The following DCDC1 variants were observed in gnomAD, a reference collection of about 807,000 sequenced individuals.
DCDC1 encodes doublecortin domain-containing protein 1.
A neutral mutation model predicts 178.3 loss-of-function variants in DCDC1; 200 were observed. That is an observed-to-expected ratio of 1.12 (90% CI 1.00 to 1.26). The LOEUF (loss-of-function observed/expected upper bound fraction) is 1.26. Ranked by LOEUF, DCDC1 falls within the 50% of genes most tolerant of loss-of-function variation. The pLI is 0.00. For missense variants in DCDC1, 1,983 were observed against 1,749.2 expected (o/e 1.13, Z -2.38); for synonymous variants, 690 against 604.8 (o/e 1.14, Z -2.07).
chr11:31,110,246 G>A lies in DCDC1; in HGVS notation c.1587+14C>T. The A allele has an allele frequency of 1.4e-6, 1 of 702,844 alleles. No homozygotes were observed. Among genetic ancestry groups the A allele is most frequent in the Non-Finnish European group, 2.6e-6 (1 of 383,514 alleles). 43.5% of individuals were successfully genotyped at this position (702,844 alleles called of 1,614,324 possible). ...AGACACTTAAAGTCATAAGTAAACTGTCAGTAAACTCACTCTTTCCATCAT... is the reference window on the plus strand; with the variant it reads ...AGACACTTAAAGTCATAAGTAAACTATCAGTAAACTCACTCTTTCCATCAT... On this transcript the variant is annotated intron_variant, in intron 12 of 38. Coordinates refer to ENST00000684477, the MANE Select transcript of DCDC1 (RefSeq NM_001387274.1).
At chr11:31,328,573 C>T (rs1019287924) in intron 2 of DCDC1, among the ~76,000 whole-genome samples, 8 of 151,918 alleles carry the variant, frequency 5.3e-5, no homozygotes, top group Admixed American at 2.6e-4. Flanking sequence ...CCAAGGCGGG[C>T]GGATCACAAG....
At chr11:31,070,833 T>G (rs1263819546) in intron 18 of DCDC1, among the ~76,000 whole-genome samples, 1 of 152,110 alleles carries the variant, frequency 6.6e-6, no homozygotes, top group African/African-American at 2.4e-5. Flanking sequence ...ATGTTTCACC[T>G]AACTTTGGAC....
At chr11:31,059,572 C>T (rs555020359) in intron 20 of DCDC1, among the ~76,000 whole-genome samples, 68 of 152,060 alleles carry the variant, frequency 4.5e-4, no homozygotes, top group Non-Finnish European at 7.8e-4. Context: ...TAATGACTAT[C>T]AAAAGCAATT....
chr11:31,238,653 G>A (rs909245185), intron 9 of DCDC1, among the ~76,000 whole-genome samples: 2 of 152,040 alleles, frequency 1.3e-5, no homozygotes, highest in South Asian at 2.1e-4. Flanking sequence ...GAGATGGAAC[G>A]GCCCTGTCGC....
At chr11:30,969,937 AAAG>A in intron 20 of DCDC1, among the ~76,000 whole-genome samples, 1 of 152,240 alleles carries the variant, frequency 6.6e-6, no homozygotes, top group East Asian at 1.9e-4. Context: ...CCTCCTTCAC[AAAG>A]AAGAACCAAA....
intron 34 of DCDC1, among the ~76,000 whole-genome samples, chr11:30,897,512 GGCGGA>G: frequency 1.3e-5 from 2 of 150,238 alleles, no homozygotes; most frequent in Non-Finnish European, 2.9e-5. Context: ...GAACCCGGGA[GGCGGA>G]GCTTGCAGTG....
rs78148622 is a variant in DCDC1, at chr11:31,105,658, A to G, written c.1751+1139T>C. Among the ~76,000 whole-genome samples the G allele has an allele frequency of 1.5e-3, 228 of 152,208 alleles. 2 individuals are homozygous for G. In the East Asian group the frequency reaches 0.04, roughly 27 times the overall value. On this transcript the variant is annotated intron_variant, in intron 13 of 38. Transcript: ENST00000684477. ...TAGAGATTTTTTAATTCTCTAAATT[A>G]CACAGCCTAAGAAATCATCAAGCAT...
chr11:31,159,000 G>A (rs1966030505), intron 9 of DCDC1, among the ~76,000 whole-genome samples: 2 of 151,720 alleles, frequency 1.3e-5, no homozygotes, highest in Admixed American at 1.3e-4. Context: ...TAAATTGGAT[G>A]TATACCAAAA....
chr11:31,152,355 T>C (rs371833596), intron 9 of DCDC1, among the ~76,000 whole-genome samples: 1 of 152,162 alleles, frequency 6.6e-6, no homozygotes, highest in Admixed American at 6.5e-5. Context: ...TAGAGTATAG[T>C]TGTATTTCAA....
chr11:31,281,345 T>A (rs1013294514), intron 7 of DCDC1, among the ~76,000 whole-genome samples: 10 of 151,960 alleles, frequency 6.6e-5, no homozygotes, highest in Non-Finnish European at 1.2e-4. Context: ...GGAAAACAGT[T>A]CAGTCTTTCA....
chr11:30,996,969 T>C (rs1951308617), intron 20 of DCDC1, among the ~76,000 whole-genome samples: 1 of 152,190 alleles, frequency 6.6e-6, no homozygotes, highest in Non-Finnish European at 1.5e-5. Flanking sequence ...ACATAAATTT[T>C]GATATATCCA....
chr11:31,181,930 A>G (rs1452461105), intron 9 of DCDC1, among the ~76,000 whole-genome samples: 1 of 152,228 alleles, frequency 6.6e-6, no homozygotes, highest in East Asian at 1.9e-4. Flanking sequence ...ACAGCATGGG[A>G]ACTTTGTGAA....
At position 31,121,863 on chromosome 11, in the gene DCDC1, G is replaced by C. The variant is rs556243283; in HGVS notation, c.1485+5606C>G. Among the ~76,000 whole-genome samples the C allele has an allele frequency of 3.9e-5, 6 of 152,108 alleles. No individual in the cohort carries two copies. The East Asian group carries it at 9.7e-4, about 24-fold the overall frequency. ...ATACTTTCTAAGATTAAAATGAACAGAAAACAGGAAAAATGCTTTACTAGG... is the reference window on the plus strand; with the variant it reads ...ATACTTTCTAAGATTAAAATGAACACAAAACAGGAAAAATGCTTTACTAGG... On this transcript the variant is annotated intron_variant, in intron 11 of 38. Transcript: ENST00000684477.
At chr11:30,992,081 G>A (rs1951022247) in intron 20 of DCDC1, among the ~76,000 whole-genome samples, 1 of 152,154 alleles carries the variant, frequency 6.6e-6, no homozygotes, top group Non-Finnish European at 1.5e-5. Context: ...AAAGTACAAT[G>A]TAAAATGCAC....
intron 9 of DCDC1, among the ~76,000 whole-genome samples, chr11:31,225,578 A>C (rs910005753): frequency 1.3e-5 from 2 of 150,632 alleles, no homozygotes; most frequent in African/African-American, 4.9e-5. Context: ...TTATATATAC[A>C]TATGCATACA....
At chr11:31,044,432 C>A (rs1300236056) in intron 20 of DCDC1, among the ~76,000 whole-genome samples, 1 of 146,452 alleles carries the variant, frequency 6.8e-6, no homozygotes, top group South Asian at 2.2e-4. Flanking sequence ...GAGCCGAGAT[C>A]GCGCCACTGT....
intron 20 of DCDC1, among the ~76,000 whole-genome samples, chr11:31,060,773 T>C (rs1156233342): frequency 6.6e-6 from 1 of 152,158 alleles, no homozygotes; most frequent in Non-Finnish European, 1.5e-5. Context: ...TATATTTTCT[T>C]CAAATCACCC....
chr11:31,110,981 A>G (rs952497918), intron 11 of DCDC1, among the ~76,000 whole-genome samples: 2 of 72,208 alleles, frequency 2.8e-5, no homozygotes, highest in African/African-American at 6.3e-5. Context: ...CGCTGGGGAA[A>G]AAAAAAAATG....
intron 7 of DCDC1, among the ~76,000 whole-genome samples, chr11:31,266,682 G>C (rs1277748186): frequency 6.6e-6 from 1 of 152,096 alleles, no homozygotes; most frequent in African/African-American, 2.4e-5. Flanking sequence ...CCATCTTTCA[G>C]TTGCCGATAC....
Sources: allele counts gnomAD v4.1 joint callset (sites outside exome capture counted in the v4.1 genomes callset), GRCh38; gene constraint gnomAD v4.1.1; transcripts MANE v1.5; gene names NCBI Gene and HGNC (gene_info 2026-07-23, HGNC 2026-07-21).